Variants in PPAT observed in about 807,000 individuals in gnomAD.
PPAT encodes amidophosphoribosyltransferase.
PPAT carries 20 observed loss-of-function variants against 60.2 expected under a neutral mutation model. The ratio of observed to expected loss-of-function variants is 0.33; its 90% CI spans 0.23 to 0.48. The LOEUF (loss-of-function observed/expected upper bound fraction) is 0.48, where lower values mean the gene tolerates loss of function less well. Ranked by LOEUF, PPAT falls within the 20% of genes least tolerant of loss-of-function variation. The probability of loss-of-function intolerance (pLI) is 0.99; values close to 1 mark genes in which losing one functional copy is unlikely to be tolerated. For synonymous variants in PPAT, 194 were observed against 215.1 expected, an observed-to-expected ratio of 0.90 and a Z score of 0.86; for missense variants, 349 against 629.6, an observed-to-expected ratio of 0.55 and a Z score of 4.77.
At position 56,394,694 on chromosome 4, in the gene PPAT, A is replaced by G. The variant is rs1715918515; in HGVS notation, c.*658T>C. 1 of 152,192 alleles carries G rather than the reference A, an allele frequency of 6.6e-6. No individual in the cohort carries two copies. Among genetic ancestry groups the G allele is most frequent in the African/African-American group, 2.4e-5 (1 of 41,452 alleles). The allele number at this position is 152,192 out of a possible 1,614,324, so 9.4% of individuals were successfully genotyped here. A position where few individuals can be genotyped will look rare whatever the true frequency, so the allele number is the denominator to read the frequency against. ...TTAATTAATTGTAAACTAATTTCAA[A>G]AAGTTAACAATCATTAGCTTTCTGA... On this transcript the variant is annotated 3_prime_UTR_variant, in exon 11 of 11. Transcript: ENST00000264220.
rs1716193035 is a variant in PPAT at position 56,404,451 on chromosome 4, A to G, written c.403-1050T>C. On this transcript the variant is annotated intron_variant, in intron 3 of 10. Coordinates refer to ENST00000264220, the MANE Select transcript of PPAT (RefSeq NM_002703.5). ...AATAAATATCGCTTGAGTGTACTCTATGATAATTACAAAGTTCTGAGCAGG... is the reference window on the plus strand; with the variant it reads ...AATAAATATCGCTTGAGTGTACTCTGTGATAATTACAAAGTTCTGAGCAGG... 2.0e-5 allele frequency among the ~76,000 whole-genome samples: 3 copies of G among 152,338 alleles called. No individual in the cohort carries two copies. The South Asian group carries it at 6.2e-4, about 32-fold the overall frequency.
chr4:56,407,782 C>A, intron 1 of PPAT, 66 bp from the exon 2 acceptor site: 1 of 1,252,070 alleles, frequency 8.0e-7, no homozygotes, highest in Admixed American at 1.7e-5. Flanking sequence ...AGAACTTTAT[C>A]AAGCATACTT....
intron 1 of PPAT, among the ~76,000 whole-genome samples, chr4:56,431,920 C>G (rs1259671088): frequency 6.6e-6 from 1 of 152,154 alleles, no homozygotes; most frequent in African/African-American, 2.4e-5. Flanking sequence ...CATGCATGCA[C>G]AGTTTACAGC....
intron 1 of PPAT, chr4:56,428,916 TC>T (rs1332891593): frequency 1.3e-6 from 1 of 798,440 alleles, no homozygotes; most frequent in African/African-American, 1.9e-5. Context: ...ACATAATGAT[TC>T]TTTTCCTGTG....
In PPAT at chr4:56,402,097, G is replaced by A. The variant is rs1325651080; in HGVS notation, c.734+12C>T. On this transcript the variant is annotated intron_variant, in intron 6 of 10. Coordinates refer to ENST00000264220, the MANE Select transcript of PPAT (RefSeq NM_002703.5). Reference sequence around the variant, plus strand: ...TGGGAAAATAAAATATGTCAAACAAGGTAAAACTTACCTTGCACCAATAGA... The same window carrying A: ...TGGGAAAATAAAATATGTCAAACAAAGTAAAACTTACCTTGCACCAATAGA... 1.3e-6 allele frequency: 2 copies of A among 1,546,570 alleles called. No individual in the cohort carries two copies. The highest frequency in any genetic ancestry group is 8.8e-7 in the Non-Finnish European group (1 of 1,134,530).
chr4:56,418,464 C>T (rs1716884267), intron 1 of PPAT, among the ~76,000 whole-genome samples: 1 of 152,110 alleles, frequency 6.6e-6, no homozygotes, highest in Non-Finnish European at 1.5e-5. Flanking sequence ...AGACCACAGG[C>T]ACATGCCACC....
rs375102221 is a variant in PPAT, at chr4:56,395,550, TAAAG to T, written c.1358-6_1358-3del. ...ACAGATACACAACACTGTTTGCTCC[TAAAG>T]AAAGAGGGAAAAATAAAAATGTAAT... On this transcript the variant is annotated splice_polypyrimidine_tract_variant and splice_region_variant and intron_variant, in intron 10 of 10. Transcript: ENST00000264220. The T allele has an allele frequency of 8.6e-4, 1,304 of 1,517,314 alleles. 4 individuals are homozygous for T. The highest frequency in any genetic ancestry group is 3.8e-3 in the Middle Eastern group (22 of 5,734). The allele number at this position is 1,517,314 out of a possible 1,614,324, so 94.0% of individuals were successfully genotyped here. A position where few individuals can be genotyped will look rare whatever the true frequency, so the allele number is the denominator to read the frequency against.
chr4:56,434,143 T>C lies in PPAT; in HGVS notation c.128+1207A>G, dbSNP rs75230149. Among the ~76,000 whole-genome samples the C allele has an allele frequency of 3.4e-3, 518 of 152,322 alleles. 3 individuals are homozygous for C. The highest frequency in any genetic ancestry group is 0.012 in the African/African-American group (485 of 41,578). On this transcript the variant is annotated intron_variant, in intron 1 of 10. Transcript: ENST00000264220. ...ATGGTCAACCCACAATTATCCAAGATTGGAGCTACGCAAGTTAAAAATATT... is the reference window on the plus strand; with the variant it reads ...ATGGTCAACCCACAATTATCCAAGACTGGAGCTACGCAAGTTAAAAATATT...
chr4:56,420,912 G>C (rs1051715660), intron 1 of PPAT: 1 of 152,176 alleles, frequency 6.6e-6, no homozygotes, highest in African/African-American at 2.4e-5. Context: ...AATCAAAGTT[G>C]TAAGGCTCTG....
intron 1 of PPAT, among the ~76,000 whole-genome samples, chr4:56,426,707 G>A (rs1481296799): frequency 2.6e-5 from 4 of 152,022 alleles, no homozygotes; most frequent in African/African-American, 9.7e-5. Context: ...CCATTTTCTG[G>A]CTCCTATGAA....
chr4:56,404,937 G>C (rs1220446499), intron 3 of PPAT, among the ~76,000 whole-genome samples: 1 of 152,124 alleles, frequency 6.6e-6, no homozygotes, highest in Non-Finnish European at 1.5e-5. Flanking sequence ...ATAGGATGGG[G>C]TGTGCATGTA....
chr4:56,406,341 A>G (rs1197536832), intron 3 of PPAT, among the ~76,000 whole-genome samples, 154 bp downstream of exon 3: 1 of 152,250 alleles, frequency 6.6e-6, no homozygotes, highest in Non-Finnish European at 1.5e-5. Flanking sequence ...AATTGTAACA[A>G]GTACTCCAGA....
rs756959976 is a variant in PPAT at position 56,395,410 on chromosome 4, T to G, written c.1496A>C (p.Lys499Thr). The stretch of plus-strand genomic sequence containing the variant: ...GAGACAAGCTGTACAATGACCACTC[T>G]TTTCAAAACATTCCAGACCATTTCC... ...ENGNGLECFE[K>T]SGHCTACLTG... Residue 499 changes from lysine to threonine, a missense_variant, in exon 11 of 11, where the codon AAG (lysine) becomes ACG (threonine). This residue lies in a region of PPAT where 167 missense variants were observed against 328.6 expected (regional missense o/e 0.51). Coordinates refer to ENST00000264220, the MANE Select transcript of PPAT (RefSeq NM_002703.5). 1 of 1,611,158 alleles carries G rather than the reference T, an allele frequency of 6.2e-7. No homozygotes were observed. Among genetic ancestry groups the G allele is most frequent in the Non-Finnish European group, 8.5e-7 (1 of 1,178,292 alleles).
At position 56,394,495 on chromosome 4, in the gene PPAT, T is replaced by G. The variant is rs1715914712; in HGVS notation, c.*857A>C. On this transcript the variant is annotated 3_prime_UTR_variant, in exon 11 of 11. Transcript: ENST00000264220. Reference sequence around the variant, plus strand: ...CTAAAAATTTGGTTTTTATTTCAAATGTACCAGGTTACTTGCTGAGCTTAT... The same window carrying G: ...CTAAAAATTTGGTTTTTATTTCAAAGGTACCAGGTTACTTGCTGAGCTTAT... 6.6e-6 allele frequency: 1 copy of G among 152,196 alleles called. No homozygotes were observed. Among genetic ancestry groups the G allele is most frequent in the Non-Finnish European group, 1.5e-5 (1 of 68,014 alleles). The allele number at this position is 152,196 out of a possible 1,614,324, so 9.4% of individuals were successfully genotyped here.
intron 1 of PPAT, among the ~76,000 whole-genome samples, chr4:56,417,287 AAAT>A (rs2110053170): frequency 6.6e-6 from 1 of 152,344 alleles, no homozygotes; most frequent in East Asian, 1.9e-4. Flanking sequence ...TTTGTAACCT[AAAT>A]AAGAAAAAAA....
At chr4:56,403,777 G>A (rs535743504) in intron 3 of PPAT, among the ~76,000 whole-genome samples, 124 of 152,282 alleles carry the variant, frequency 8.1e-4, no homozygotes, top group Non-Finnish European at 1.5e-3. Context: ...GGGGTGATGG[G>A]AGACAGTAAC....
intron 1 of PPAT, chr4:56,421,690 G>A (rs574799812): frequency 2.0e-5 from 3 of 152,302 alleles, no homozygotes; most frequent in South Asian, 2.1e-4. Context: ...AAAATATTTC[G>A]CTGGTGGACA....
chr4:56,397,402 A>G (rs1294752837), intron 9 of PPAT, among the ~76,000 whole-genome samples: 1 of 152,164 alleles, frequency 6.6e-6, no homozygotes, highest in East Asian at 1.9e-4. Context: ...GATGATCATA[A>G]TCCTAAACAC....
intron 9 of PPAT, among the ~76,000 whole-genome samples, chr4:56,398,449 T>C (rs1716037215): frequency 6.6e-6 from 1 of 152,108 alleles, no homozygotes; most frequent in Admixed American, 6.5e-5. Flanking sequence ...GAGAAAGCAA[T>C]CAATACTCCA....
Sources: gnomAD v4.1 joint callset for allele counts (sites outside exome capture counted in the v4.1 genomes callset) on GRCh38, gnomAD v4.1.1 for gene constraint, gnomAD v4.1.1 regional missense constraint, MANE v1.5 for transcripts, NCBI Gene and HGNC (gene_info 2026-07-23, HGNC 2026-07-21) for gene names.